PDGFRB: variants seen among roughly 807,000 people sequenced by gnomAD.
The protein encoded by PDGFRB is platelet-derived growth factor receptor beta.
In PDGFRB, 42 loss-of-function variants were observed where a neutral mutation model predicts 120.2. The ratio of observed to expected loss-of-function variants is 0.35; its 90% CI spans 0.27 to 0.45. The LOEUF (loss-of-function observed/expected upper bound fraction) is 0.45. Among genes scored for constraint, PDGFRB ranks in the 20% least tolerant of loss-of-function variants. PDGFRB has a pLI of 1.00. For synonymous variants in PDGFRB, 586 were observed against 606.8 expected (o/e 0.97, Z 0.50); for missense variants, 1,149 against 1,476.3 (o/e 0.78, Z 3.63).
chr5:150,151,940 A>G (rs974021716), intron 1 of PDGFRB, among the ~76,000 whole-genome samples: 2 of 148,674 alleles, frequency 1.3e-5, no homozygotes, highest in African/African-American at 5.0e-5. Flanking sequence ...TTATTTATTT[A>G]TTTATTTTTT....
In PDGFRB at chr5:150,122,594, T is replaced by C. The variant is rs150631578; in HGVS notation, c.2183+448A>G. Among the ~76,000 whole-genome samples the C allele has an allele frequency of 2.0e-5, 3 of 152,404 alleles. No individual in the cohort carries two copies. In the East Asian group the frequency reaches 5.8e-4, roughly 29 times the overall value. ...GAAGCTACTCTTGTCTTTGTTTTTG[T>C]AATCAGCAACAGAACTAAGAAGTGT... On this transcript the variant is annotated intron_variant, in intron 15 of 22. Transcript: ENST00000261799.
chr5:150,125,444 C>T lies in PDGFRB; in HGVS notation c.1807+1G>A. ...GCCACATGAGGCCTCTCAGGACTGACCCAGCACAAGCTGGTCCCGCGGCAG... is the reference window on the plus strand; with the variant it reads ...GCCACATGAGGCCTCTCAGGACTGATCCAGCACAAGCTGGTCCCGCGGCAG... On this transcript the variant is annotated splice_donor_variant, in intron 12 of 22. Coordinates refer to ENST00000261799, the MANE Select transcript of PDGFRB (RefSeq NM_002609.4). LOFTEE classifies it high-confidence loss of function. 1 of 1,611,290 alleles carries T rather than the reference C, an allele frequency of 6.2e-7. No individual in the cohort carries two copies. The highest frequency in any genetic ancestry group is 8.5e-7 in the Non-Finnish European group (1 of 1,178,064).
intron 22 of PDGFRB, among the ~76,000 whole-genome samples, chr5:150,116,902 G>A (rs1204694966): frequency 6.6e-6 from 1 of 152,284 alleles, no homozygotes; most frequent in Non-Finnish European, 1.5e-5. Flanking sequence ...AGGTCTCAGC[G>A]GCTAGTGGCA....
rs1157887524 is a variant in PDGFRB, at chr5:150,155,716, A to AG, written c.-327dup. 5 of 398,618 alleles carry AG rather than the reference A, an allele frequency of 1.3e-5. No homozygotes were observed. The highest frequency in any genetic ancestry group is 4.1e-5 in the African/African-American group (2 of 48,758). The allele number at this position is 398,618 out of a possible 1,614,324, so 24.7% of individuals were successfully genotyped here. A position where few individuals can be genotyped will look rare whatever the true frequency, so the allele number is the denominator to read the frequency against. ...TGTCTGCGTTGGGCAGGGCGAGCAC[A>AG]GGCTGCTGCTGGGCAGCAGGGCTGA... On this transcript the variant is annotated 5_prime_UTR_variant, in exon 1 of 23. Transcript: ENST00000261799.
At position 150,137,037 on chromosome 5, in the gene PDGFRB, G is replaced by T. The variant is rs144923639; in HGVS notation, c.11C>A (p.Pro4Gln). 3.2e-5 allele frequency: 52 copies of T among 1,613,532 alleles called. No individual in the cohort carries two copies. The highest frequency in any genetic ancestry group is 5.9e-6 in the Non-Finnish European group (7 of 1,179,742). Residue 4 changes from proline to glutamine, a missense_variant, in exon 2 of 23, where the codon CCG becomes CAG. Physicochemically the swap from Pro to Gln is moderately conservative, Grantham distance 76. Around this residue, in one of 3 missense-constraint regions of PDGFRB, gnomAD observed 879 missense variants for 1,108.6 expected, o/e 0.79. Transcript: ENST00000261799. ...GAGGGCCAGAGCTGGCATCGCACCC[G>T]GAAGCCGCATGGTGTCCTGCAGAGT... MRLPGAMPALALKG... is the reference protein window; with the variant it reads MRLQGAMPALALKG...
At chr5:150,126,341 G>T (rs1361270437) in intron 11 of PDGFRB, among the ~76,000 whole-genome samples, 179 bp downstream of exon 11, 1 of 152,120 alleles carries the variant, frequency 6.6e-6, no homozygotes, top group Non-Finnish European at 1.5e-5. Flanking sequence ...GCTCAGGTTG[G>T]CCCAGACTGC....
At chr5:150,118,627 G>A in intron 21 of PDGFRB, 120 bp downstream of exon 21, 1 of 710,858 alleles carries the variant, frequency 1.4e-6, no homozygotes, top group East Asian at 2.7e-5. Flanking sequence ...GGAAACTGAG[G>A]CCCAGAGAGG....
At chr5:150,140,281 G>A (rs1760746052) in intron 1 of PDGFRB, among the ~76,000 whole-genome samples, 1 of 152,124 alleles carries the variant, frequency 6.6e-6, no homozygotes, top group African/African-American at 2.4e-5. Context: ...TAGTGGGCTT[G>A]CCTGTGACAA....
chr5:150,133,437 C>T (rs961035073), intron 6 of PDGFRB, 149 bp downstream of exon 6: 1 of 713,830 alleles, frequency 1.4e-6, no homozygotes, highest in East Asian at 2.5e-5. Flanking sequence ...GCTGACTATA[C>T]CCCGGGGCTG....
At chr5:150,136,906 C>A (rs1760647228) in intron 2 of PDGFRB, 102 bp downstream of exon 2, 2 of 871,286 alleles carry the variant, frequency 2.3e-6, no homozygotes, top group Non-Finnish European at 3.8e-6. Context: ...GGCAGTGTGC[C>A]TGGTGCTTCA....
intron 1 of PDGFRB, among the ~76,000 whole-genome samples, chr5:150,138,250 C>G (rs909375436): frequency 3.3e-5 from 5 of 152,150 alleles, no homozygotes; most frequent in African/African-American, 1.2e-4. Flanking sequence ...GTGGGGCTGC[C>G]CAGCCTGGCC....
rs763274769 is a variant in PDGFRB at position 150,129,853 on chromosome 5, G to A, written c.1483C>T (p.Leu495=). ...GGCCGATCCACGTGCTGCAGACGCAGTGTGCTCACCACCTCAAACTCCTGC... is the reference window on the plus strand; with the variant it reads ...GGCCGATCCACGTGCTGCAGACGCAATGTGCTCACCACCTCAAACTCCTGC... ...EEQEFEVVST[L]RLQHVDRPLS... The change falls in exon 10 of 23, where the codon CTG becomes TTG. Residue 495 remains leucine, a synonymous_variant. Coordinates refer to ENST00000261799, the MANE Select transcript of PDGFRB (RefSeq NM_002609.4). 8.1e-6 allele frequency: 13 copies of A among 1,614,148 alleles called. No individual in the cohort carries two copies. In the South Asian group the frequency reaches 1.2e-4, roughly 15 times the overall value.
intron 14 of PDGFRB, 148 bp from the exon 15 acceptor site, chr5:150,123,349 C>T: frequency 1.6e-6 from 1 of 629,104 alleles, no homozygotes; most frequent in Non-Finnish European, 2.8e-6. Flanking sequence ...GGATTCTTTT[C>T]CTGCCTCTGT....
At chr5:150,127,841 A>G (rs1401072714) in intron 10 of PDGFRB, among the ~76,000 whole-genome samples, 1 of 147,384 alleles carries the variant, frequency 6.8e-6, no homozygotes, top group East Asian at 2.1e-4. Context: ...CTTAAAAAAA[A>G]AAAAAAAAAA....
rs561700615 is a variant in PDGFRB at position 150,127,809 on chromosome 5, G to A, written c.1580-1195C>T. ...AGATCACACCACTGCACTCCAGCCT[G>A]GGCAACAGAGCCAGACTCCATCTTA... is the stretch of plus-strand genomic sequence containing the variant. On this transcript the variant is annotated intron_variant, in intron 10 of 22. Transcript: ENST00000261799. 3.9e-5 allele frequency among the ~76,000 whole-genome samples: 5 copies of A among 128,910 alleles called. No homozygotes were observed. The East Asian group carries it at 1.1e-3, about 28-fold the overall frequency. 84.6% of individuals were successfully genotyped at this position (128,910 alleles called of 152,430 possible). A position where few individuals can be genotyped will look rare whatever the true frequency, so the allele number is the denominator to read the frequency against.
chr5:150,118,674 A>C, intron 21 of PDGFRB, 73 bp downstream of exon 21: 13 of 914,036 alleles, frequency 1.4e-5, no homozygotes, highest in Non-Finnish European at 2.4e-5. Context: ...CCCATCACGC[A>C]GAGCCTTGTA....
chr5:150,121,795 C>T lies in PDGFRB; in HGVS notation c.2344+85G>A, dbSNP rs1580796816. On this transcript the variant is annotated intron_variant, in intron 16 of 22. Coordinates refer to ENST00000261799, the MANE Select transcript of PDGFRB (RefSeq NM_002609.4). This position sits in a 1 kb window ranked among gnomAD's most constrained non-coding sequence, Gnocchi z 4.1. ...TATGAAATGGGCACGAGGCTCCCTT[C>T]TTCTCAGGGTTTTTGGCAAGGCTGG... 1.6e-5 allele frequency: 17 copies of T among 1,084,430 alleles called. No individual in the cohort carries two copies. The East Asian group carries it at 4.0e-4, about 26-fold the overall frequency. The allele number at this position is 1,084,430 out of a possible 1,614,324, so 67.2% of individuals were successfully genotyped here.
At position 150,123,022 on chromosome 5, in the gene PDGFRB, C is replaced by T. The variant is rs1350851694; in HGVS notation, c.2183+20G>A. 5 of 1,607,800 alleles carry T rather than the reference C, an allele frequency of 3.1e-6. No individual in the cohort carries two copies. Among genetic ancestry groups the T allele is most frequent in the African/African-American group, 2.7e-5 (2 of 74,864 alleles). On this transcript the variant is annotated intron_variant, in intron 15 of 22. Coordinates refer to ENST00000261799, the MANE Select transcript of PDGFRB (RefSeq NM_002609.4). Reference sequence around the variant, plus strand: ...CCTCAGGTATCCCAAAGATTCAGTCCCTGGCCTCCCTCCTGGTACCTGGGC... The same window carrying T: ...CCTCAGGTATCCCAAAGATTCAGTCTCTGGCCTCCCTCCTGGTACCTGGGC...
Position 150,126,578 on chromosome 5 carries a change from A to G in PDGFRB, c.1616T>C (p.Leu539Pro). ...GATGATGGTGAGCACCACCAGGGCC[A>G]GGATGGCTGAGATCACCACCACCTT... ...PFKVVVISAI[L>P]ALVVLTIISL... The change falls in exon 11 of 23, where the codon CTG (leucine) becomes CCG (proline). Residue 539 changes from leucine to proline, a missense_variant. Leu to Pro is a moderately conservative substitution (Grantham distance 98). Coordinates refer to ENST00000261799, the MANE Select transcript of PDGFRB (RefSeq NM_002609.4). The G allele has an allele frequency of 6.2e-7, 1 of 1,610,684 alleles. No individual in the cohort carries two copies. Among genetic ancestry groups the G allele is most frequent in the Non-Finnish European group, 8.5e-7 (1 of 1,176,936 alleles).
Sources: allele counts gnomAD v4.1 joint callset (sites outside exome capture counted in the v4.1 genomes callset), GRCh38; gene constraint gnomAD v4.1.1; regional missense constraint gnomAD v4.1.1; non-coding constraint Gnocchi (gnomAD v3.1); transcripts MANE v1.5; gene names NCBI Gene and HGNC (gene_info 2026-07-23, HGNC 2026-07-21).